Variants in TRERF1 observed in about 807,000 individuals in gnomAD.
The protein encoded by TRERF1 is transcriptional regulating factor 1, also known as transcriptional-regulating factor 1.
TRERF1 carries 27 observed loss-of-function variants against 122.9 expected under a neutral mutation model. The ratio of observed to expected loss-of-function variants is 0.22; its 90% CI spans 0.16 to 0.30. The LOEUF (loss-of-function observed/expected upper bound fraction) is 0.30, where lower values mean the gene tolerates loss of function less well. TRERF1 is among the 10% of genes least tolerant of loss of function. The pLI, the probability that TRERF1 is intolerant of heterozygous loss-of-function variation, is 1.00. For synonymous variants in TRERF1, 636 were observed against 641.7 expected, an observed-to-expected ratio of 0.99 and a Z score of 0.13; for missense variants, 1,248 against 1,560.3, an observed-to-expected ratio of 0.80 and a Z score of 3.37.
At chr6:42,386,760 C>G (rs1003771003) in intron 2 of TRERF1, among the ~76,000 whole-genome samples, 1 of 152,182 alleles carries the variant, frequency 6.6e-6, no homozygotes, top group Non-Finnish European at 1.5e-5. Context: ...TGGGGGGTTG[C>G]ATTTCAGCAG....
chr6:42,304,175 G>A, intron 3 of TRERF1, among the ~76,000 whole-genome samples: 1 of 152,244 alleles, frequency 6.6e-6, no homozygotes, highest in Non-Finnish European at 1.5e-5. Context: ...ACACAGGGAT[G>A]TGGATAAGCA....
chr6:42,289,353 AAAAAC>A (rs1186222823), intron 4 of TRERF1, among the ~76,000 whole-genome samples: 39 of 144,724 alleles, frequency 2.7e-4, no homozygotes, highest in African/African-American at 3.7e-4. Context: ...CAAACAAAAA[AAAAAC>A]AAAAAAAAAC....
intron 14 of TRERF1, 47 bp from the exon 15 acceptor site, chr6:42,243,408 G>A (rs1774119625): frequency 7.9e-7 from 1 of 1,272,870 alleles, no homozygotes; most frequent in African/African-American, 1.5e-5. Context: ...TGGGCAGAGA[G>A]CAAAGGTAGC....
In TRERF1 at chr6:42,447,063, T is replaced by C. The variant is rs1481448320; in HGVS notation, c.-454+4114A>G. On this transcript the variant is annotated intron_variant, in intron 2 of 17. Transcript: ENST00000372922. Reference sequence around the variant, plus strand: ...TTTGAGCTCAGAGTTATCACTGTTATTTAGGCACACGGGTTCTTTGTCCCC... The same window carrying C: ...TTTGAGCTCAGAGTTATCACTGTTACTTAGGCACACGGGTTCTTTGTCCCC... Among the ~76,000 whole-genome samples the C allele has an allele frequency of 2.6e-5, 4 of 152,154 alleles. No homozygotes were observed. The East Asian group carries it at 5.8e-4, about 22-fold the overall frequency.
chr6:42,268,095 ACTCAGCC>A lies in TRERF1; in HGVS notation c.1437+52_1437+58del, dbSNP rs1779530799. The A allele has an allele frequency of 2.2e-6, 3 of 1,392,568 alleles. No individual in the cohort carries two copies. The East Asian group carries it at 7.5e-5, about 35-fold the overall frequency. 86.3% of individuals were successfully genotyped at this position (1,392,568 alleles called of 1,614,324 possible). A position where few individuals can be genotyped will look rare whatever the true frequency, so the allele number is the denominator to read the frequency against. Reference sequence around the variant, plus strand: ...TTGGAGAGAGGATTGAGCACTGCAGACTCAGCCCTGACCCTGTAGCACACTGGGTATT... The same window carrying A: ...TTGGAGAGAGGATTGAGCACTGCAGACTGACCCTGTAGCACACTGGGTATT... On this transcript the variant is annotated intron_variant, in intron 5 of 17. Transcript: ENST00000372922. The surrounding 1 kb of genome is among the most constrained non-coding windows in gnomAD (Gnocchi z 4.4).
intron 2 of TRERF1, among the ~76,000 whole-genome samples, chr6:42,413,576 C>G (rs1484439528): frequency 6.6e-6 from 1 of 151,912 alleles, no homozygotes; most frequent in Non-Finnish European, 1.5e-5. Context: ...TCTATAGGTG[C>G]GCGCCACCAT....
At chr6:42,291,701 T>G (rs1184231257) in intron 4 of TRERF1, among the ~76,000 whole-genome samples, 1 of 149,578 alleles carries the variant, frequency 6.7e-6, no homozygotes, top group Non-Finnish European at 1.5e-5. Flanking sequence ...GCCCGGCTGT[T>G]TTTTTTTTTT....
In TRERF1 at chr6:42,269,553, G is replaced by A; in HGVS notation, c.38C>T (p.Ala13Val). 3 of 1,614,202 alleles carry A rather than the reference G, an allele frequency of 1.9e-6. No homozygotes were observed. The highest frequency in any genetic ancestry group is 2.5e-6 in the Non-Finnish European group (3 of 1,180,032). ...GTAGAAAAGGTTCTCACTACCATGG[G>A]CCACATGGTTGGTCTTGTACAGTTG... Residue 13 changes from alanine to valine, a missense_variant, in exon 5 of 18, where the codon GCC (alanine) becomes GTC (valine). By Grantham distance (64) the Ala-to-Val change is moderately conservative. Coordinates refer to ENST00000372922, the Ensembl canonical transcript of TRERF1. This position sits in a 1 kb window ranked among gnomAD's most constrained non-coding sequence, Gnocchi z 4.9.
At chr6:42,243,682 ACCATTCT>A (rs1351001493) in intron 14 of TRERF1, among the ~76,000 whole-genome samples, 1 of 149,396 alleles carries the variant, frequency 6.7e-6, no homozygotes, top group Non-Finnish European at 1.5e-5. Context: ...CCAGGTTCAC[ACCATTCT>A]CCTGCCTCAG....
Position 42,269,409 on chromosome 6 carries a change from G to T in TRERF1, c.182C>A (p.Thr61Lys), listed in dbSNP as rs1254499370. 1.2e-6 allele frequency: 2 copies of T among 1,614,216 alleles called. No homozygotes were observed. Among genetic ancestry groups the T allele is most frequent in the Middle Eastern group, 1.6e-4 (1 of 6,062 alleles). ...AACAGGCAAGCCCAGACCATCCCGT[G>T]TATCTTGAGGGAAGTGGGGGGAGAT... Residue 61 changes from threonine to lysine, a missense_variant, in exon 5 of 18, where the codon ACA becomes AAA. This residue lies in a region of TRERF1 where 946 missense variants were observed against 1,073.0 expected (regional missense o/e 0.88). Transcript: ENST00000372922. This position sits in a 1 kb window ranked among gnomAD's most constrained non-coding sequence, Gnocchi z 4.9.
chr6:42,436,151 G>A (rs147312663), intron 2 of TRERF1, among the ~76,000 whole-genome samples: 1,997 of 152,108 alleles, frequency 0.013, 38 homozygotes, highest in East Asian at 0.09. Context: ...GGTGGATCAC[G>A]AGGTCAGGAG....
intron 2 of TRERF1, among the ~76,000 whole-genome samples, chr6:42,402,707 G>A (rs1005912566): frequency 5.3e-5 from 8 of 152,128 alleles, no homozygotes; most frequent in East Asian, 1.9e-4. Context: ...AAATATTAAC[G>A]GAGCACCTAC....
rs140070964 is a variant in TRERF1, at chr6:42,393,288, T to C, written c.-453-30209A>G. 1.5e-3 allele frequency among the ~76,000 whole-genome samples: 230 copies of C among 152,312 alleles called. No homozygotes were observed. Among genetic ancestry groups the C allele is most frequent in the African/African-American group, 5.4e-3 (225 of 41,562 alleles). ...GCCTTCATTTTGCAGATAAATAAAC[T>C]GGGTTTCAAAAAAGTACCACAAATT... On this transcript the variant is annotated intron_variant, in intron 2 of 17. Transcript: ENST00000372922. The surrounding 1 kb of genome is among the most constrained non-coding windows in gnomAD (Gnocchi z 4.1).
exon 18 of TRERF1, chr6:42,226,367 C>A (rs904208516): frequency 3.9e-5 from 6 of 152,188 alleles, no homozygotes; most frequent in African/African-American, 1.4e-4. Flanking sequence ...TCTAGGCTTA[C>A]CCTCAGACAC....
chr6:42,450,164 T>C (rs1788213326), intron 2 of TRERF1, among the ~76,000 whole-genome samples: 1 of 152,194 alleles, frequency 6.6e-6, no homozygotes, highest in Admixed American at 6.5e-5. Context: ...GCTGTTATCC[T>C]CTCCAGTCAG....
chr6:42,355,502 C>T (rs147333583), intron 3 of TRERF1, among the ~76,000 whole-genome samples: 182 of 152,260 alleles, frequency 1.2e-3, no homozygotes, highest in Non-Finnish European at 1.8e-3. Flanking sequence ...ATAGATCCTC[C>T]CTCTGGGGAC....
chr6:42,333,989 C>CA (rs1218535140), intron 3 of TRERF1, among the ~76,000 whole-genome samples: 7 of 95,080 alleles, frequency 7.4e-5, no homozygotes, highest in African/African-American at 2.9e-4. Flanking sequence ...AAAGACCACA[C>CA]ACATACACTA....
At chr6:42,290,812 G>A (rs1327012585) in intron 4 of TRERF1, among the ~76,000 whole-genome samples, 2 of 142,716 alleles carry the variant, frequency 1.4e-5, no homozygotes, top group South Asian at 2.2e-4. Flanking sequence ...AACAGCCCTG[G>A]GATGGGGAAA....
intron 2 of TRERF1, among the ~76,000 whole-genome samples, chr6:42,437,828 C>T (rs1283933408): frequency 1.3e-5 from 2 of 152,120 alleles, no homozygotes; most frequent in Admixed American, 1.3e-4. Flanking sequence ...GAATGCCTTC[C>T]TCATGCAGTT....
Sources: allele counts gnomAD v4.1 joint callset (sites outside exome capture counted in the v4.1 genomes callset), GRCh38; gene constraint gnomAD v4.1.1; regional missense constraint gnomAD v4.1.1; non-coding constraint Gnocchi (gnomAD v3.1); transcripts MANE v1.5; gene names NCBI Gene and HGNC (gene_info 2026-07-23, HGNC 2026-07-21).